Variants in AFTPH observed in about 807,000 individuals in gnomAD.
AFTPH encodes the protein aftiphilin.
AFTPH carries 7 observed loss-of-function variants against 72.5 expected under a neutral mutation model. The ratio of observed to expected loss-of-function variants is 0.10; its 90% CI spans 0.05 to 0.18. AFTPH has a LOEUF of 0.18. Among genes scored for constraint, AFTPH ranks in the 10% least tolerant of loss-of-function variants. The probability of loss-of-function intolerance (pLI) is 1.00; values close to 1 mark genes in which losing one functional copy is unlikely to be tolerated. For synonymous variants in AFTPH, 337 were observed against 370.1 expected, an observed-to-expected ratio of 0.91 and a Z score of 1.03; for missense variants, 979 against 1,060.5, an observed-to-expected ratio of 0.92 and a Z score of 1.07.
intron 5 of AFTPH, among the ~76,000 whole-genome samples, chr2:64,572,663 G>A (rs1290084904): frequency 6.6e-6 from 1 of 152,054 alleles, no homozygotes; most frequent in South Asian, 2.1e-4. Flanking sequence ...TTGTGAAATG[G>A]TTCTCATTAT....
Position 64,526,196 on chromosome 2 carries a change from T to A in AFTPH, c.-33+1584T>A, listed in dbSNP as rs144574705. ...ATCTTGCCGAATCCAGTTTTCGTTA[T>A]GAAAATTGTATAGTGTGGGTGAATC... is the stretch of plus-strand genomic sequence containing the variant. On this transcript the variant is annotated intron_variant, in intron 1 of 8. Coordinates refer to ENST00000238856, the Ensembl canonical transcript of AFTPH. 1.3e-3 allele frequency among the ~76,000 whole-genome samples: 203 copies of A among 152,358 alleles called. 1 individual carries two copies. The highest frequency in any genetic ancestry group is 4.8e-3 in the African/African-American group (198 of 41,586).
At chr2:64,552,972 C>G (rs896031466) in exon 2 of AFTPH, 1 of 1,614,014 alleles carries the variant, frequency 6.2e-7, no homozygotes, top group Non-Finnish European at 8.5e-7. Context: ...AAAGTCAGAC[C>G]TAAAACAGAC....
intron 1 of AFTPH, among the ~76,000 whole-genome samples, chr2:64,546,159 C>T (rs1670601871): frequency 6.6e-6 from 1 of 151,476 alleles, no homozygotes. Context: ...TCCCAAAGCG[C>T]TGGGATTACA....
At chr2:64,540,019 A>T (rs1670134240) in intron 1 of AFTPH, among the ~76,000 whole-genome samples, 1 of 152,166 alleles carries the variant, frequency 6.6e-6, no homozygotes, top group Non-Finnish European at 1.5e-5. Context: ...GAAAATTTTT[A>T]AAAGCCCCTG....
chr2:64,540,399 T>G (rs181145563), intron 1 of AFTPH, among the ~76,000 whole-genome samples: 8 of 152,314 alleles, frequency 5.3e-5, no homozygotes, highest in Admixed American at 6.5e-5. Context: ...TATGGTCAGC[T>G]GATATGATGA....
intron 1 of AFTPH, among the ~76,000 whole-genome samples, chr2:64,533,913 A>G (rs1010326623): frequency 3.3e-5 from 5 of 152,234 alleles, no homozygotes; most frequent in Non-Finnish European, 5.9e-5. Context: ...ATTATTTACC[A>G]CTTGTTATTC....
exon 6 of AFTPH, chr2:64,573,018 A>G (rs1278295093): frequency 6.2e-7 from 1 of 1,614,166 alleles, no homozygotes. Context: ...CATCGGTCAG[A>G]CAGCCACCAT....
chr2:64,535,376 TA>T (rs1669832993), intron 1 of AFTPH, among the ~76,000 whole-genome samples: 1 of 152,198 alleles, frequency 6.6e-6, no homozygotes, highest in Admixed American at 6.5e-5. Flanking sequence ...GAGAACCTAT[TA>T]GGGGAAAAAA....
exon 2 of AFTPH, chr2:64,552,843 A>G: frequency 1.2e-6 from 2 of 1,614,222 alleles, no homozygotes; most frequent in Non-Finnish European, 1.7e-6. Flanking sequence ...AGATTCAATG[A>G]GTGATGCCAC....
At chr2:64,540,719 C>A (rs1269890254) in intron 1 of AFTPH, among the ~76,000 whole-genome samples, 1 of 152,050 alleles carries the variant, frequency 6.6e-6, no homozygotes, top group Non-Finnish European at 1.5e-5. Context: ...TTTTTGTTGT[C>A]ACTATTGACA....
chr2:64,546,928 A>C (rs1670670791), intron 1 of AFTPH, among the ~76,000 whole-genome samples: 1 of 151,442 alleles, frequency 6.6e-6, no homozygotes, highest in Non-Finnish European at 1.5e-5. Context: ...AGGCCCCTGT[A>C]GTCCCAGCTG....
rs1260862196 is a variant in AFTPH at position 64,579,611 on chromosome 2, A to G, written c.2455+65A>G. 3.7e-5 allele frequency: 51 copies of G among 1,376,830 alleles called. 1 individual carries two copies. In the South Asian group the frequency reaches 4.5e-4, roughly 12 times the overall value. 85.3% of individuals were successfully genotyped at this position (1,376,830 alleles called of 1,614,324 possible). On this transcript the variant is annotated intron_variant, in intron 7 of 8. Coordinates refer to ENST00000238856, the Ensembl canonical transcript of AFTPH. ...TTAAGAAAGCTACAAAGTTCAGACA[A>G]ACTTCTCTCTGCTGATTTCCTTTTT... is the stretch of plus-strand genomic sequence containing the variant.
chr2:64,541,265 CTATT>C (rs758150108), intron 1 of AFTPH, among the ~76,000 whole-genome samples: 5 of 152,012 alleles, frequency 3.3e-5, no homozygotes, highest in Non-Finnish European at 5.9e-5. Context: ...GTGGAAGATA[CTATT>C]TATTTAACAA....
chr2:64,525,976 T>A (rs984813101), intron 1 of AFTPH, among the ~76,000 whole-genome samples: 5 of 152,232 alleles, frequency 3.3e-5, no homozygotes, highest in African/African-American at 1.2e-4. Flanking sequence ...GTGGATTAAA[T>A]TAGATATATC....
At chr2:64,577,410 C>T (rs1252416659) in intron 6 of AFTPH, among the ~76,000 whole-genome samples, 1 of 152,094 alleles carries the variant, frequency 6.6e-6, no homozygotes, top group Non-Finnish European at 1.5e-5. Flanking sequence ...TGGCTGTCTT[C>T]AAAATACCAT....
intron 8 of AFTPH, among the ~76,000 whole-genome samples, chr2:64,586,861 TTGTATA>T (rs1202113517): frequency 5.3e-5 from 8 of 152,216 alleles, no homozygotes; most frequent in African/African-American, 1.9e-4. Context: ...GATGAGAAAT[TTGTATA>T]TGTTAACTAA....
chr2:64,573,099 T>A (rs1672545584), intron 6 of AFTPH, 31 bp downstream of exon 6: 1 of 1,554,798 alleles, frequency 6.4e-7, no homozygotes, highest in Non-Finnish European at 8.9e-7. Flanking sequence ...ATAAATATGT[T>A]TATGCGTGTA....
intron 1 of AFTPH, among the ~76,000 whole-genome samples, chr2:64,547,408 C>T (rs1329217561): frequency 6.6e-6 from 1 of 152,178 alleles, no homozygotes; most frequent in African/African-American, 2.4e-5. Flanking sequence ...ATCCTGTATT[C>T]TCATTGCATC....
intron 8 of AFTPH, among the ~76,000 whole-genome samples, chr2:64,587,402 C>G (rs1673580483): frequency 1.3e-5 from 2 of 152,174 alleles, no homozygotes; most frequent in South Asian, 4.1e-4. Flanking sequence ...TCTTAAAATA[C>G]TGTAAAATGT....
Sources: allele counts gnomAD v4.1 joint callset (sites outside exome capture counted in the v4.1 genomes callset), GRCh38; gene constraint gnomAD v4.1.1; transcripts MANE v1.5; gene names NCBI Gene and HGNC (gene_info 2026-07-23, HGNC 2026-07-21).